The following CNTN5 variants were observed in gnomAD, a reference collection of about 807,000 sequenced individuals.
The protein encoded by CNTN5 is contactin 5.
CNTN5 carries 77 observed loss-of-function variants against 129.1 expected under a neutral mutation model. That is an observed-to-expected ratio of 0.60 (90% CI 0.50 to 0.72). The LOEUF is 0.72. Among genes scored for constraint, CNTN5 ranks in the 30% least tolerant of loss-of-function variants. The pLI is 0.00. For missense variants in CNTN5, 1,478 were observed against 1,328.8 expected, an observed-to-expected ratio of 1.11 and a Z score of -1.75; for synonymous variants, 509 against 465.6, an observed-to-expected ratio of 1.09 and a Z score of -1.20.
rs746358677 is a variant in CNTN5 at position 99,547,293 on chromosome 11, C to T, written c.-70-8852C>T. Among the ~76,000 whole-genome samples the T allele has an allele frequency of 5.3e-5, 8 of 152,132 alleles. No individual in the cohort carries two copies. In the South Asian group the frequency reaches 1.0e-3, roughly 20 times the overall value. On this transcript the variant is annotated intron_variant, in intron 2 of 24. Coordinates refer to ENST00000524871, the MANE Select transcript of CNTN5 (RefSeq NM_014361.4). ...TGCTGGGATTACAGGCGTGAGCCACCGCGCCTGGTCGAAAATTATTTTCAT... is the reference window on the plus strand; with the variant it reads ...TGCTGGGATTACAGGCGTGAGCCACTGCGCCTGGTCGAAAATTATTTTCAT...
intron 1 of CNTN5, among the ~76,000 whole-genome samples, chr11:99,035,946 G>C (rs1206230639): frequency 6.6e-6 from 1 of 151,878 alleles, no homozygotes; most frequent in Non-Finnish European, 1.5e-5. Flanking sequence ...TCCTTCTGGA[G>C]CTCTTTTAGG....
chr11:99,853,414 T>C (rs891528084), intron 6 of CNTN5, among the ~76,000 whole-genome samples: 1 of 151,878 alleles, frequency 6.6e-6, no homozygotes, highest in Non-Finnish European at 1.5e-5. Flanking sequence ...TATATATTTT[T>C]TTGAGACGGA....
chr11:99,857,883 T>C lies in CNTN5; in HGVS notation c.577+12621T>C, dbSNP rs141886298. 1.4e-3 allele frequency among the ~76,000 whole-genome samples: 216 copies of C among 152,264 alleles called. 1 individual carries two copies. The highest frequency in any genetic ancestry group is 4.8e-3 in the African/African-American group (199 of 41,560). On this transcript the variant is annotated intron_variant, in intron 6 of 24. Transcript: ENST00000524871. ...GTTTCCTATCCGTTTCATAGTGTCA[T>C]TGGGTTGTAAACTTAGGATATAGTG...
chr11:100,327,282 T>A (rs930247279), intron 21 of CNTN5, among the ~76,000 whole-genome samples: 2 of 152,184 alleles, frequency 1.3e-5, no homozygotes, highest in Non-Finnish European at 2.9e-5. Context: ...AACTACAAGA[T>A]CTGGCTCCAT....
At chr11:99,428,661 C>T (rs558666440) in intron 2 of CNTN5, among the ~76,000 whole-genome samples, 5 of 150,848 alleles carry the variant, frequency 3.3e-5, no homozygotes, top group Middle Eastern at 3.5e-3. Flanking sequence ...TATTATCTAA[C>T]ATAATATAAC....
intron 13 of CNTN5, among the ~76,000 whole-genome samples, chr11:100,182,144 T>G (rs978052278): frequency 1.3e-5 from 2 of 152,120 alleles, no homozygotes; most frequent in Non-Finnish European, 2.9e-5. Context: ...AATCAAGAAT[T>G]TGACCTACAT....
chr11:99,745,560 C>T (rs541573076), intron 3 of CNTN5, among the ~76,000 whole-genome samples: 24 of 152,236 alleles, frequency 1.6e-4, no homozygotes, highest in African/African-American at 5.5e-4. Flanking sequence ...CTTTTGATAG[C>T]ACCTTTCTCT....
In CNTN5 at chr11:99,139,718, A is replaced by G. The variant is rs369107848; in HGVS notation, c.-210+118448A>G. Among the ~76,000 whole-genome samples, 398 of 152,322 alleles carry G rather than the reference A, an allele frequency of 2.6e-3. 2 individuals carry two copies. The highest frequency in any genetic ancestry group is 0.01 in the Middle Eastern group (3 of 294). ...GAGAAGTTTATGTTCAAAATAAAAC[A>G]ATAAAAATTCTTATTTGGCAGCTTT... On this transcript the variant is annotated intron_variant, in intron 1 of 24. Coordinates refer to ENST00000524871, the MANE Select transcript of CNTN5 (RefSeq NM_014361.4).
At chr11:100,208,316 A>G (rs942954400) in intron 15 of CNTN5, among the ~76,000 whole-genome samples, 15 of 152,154 alleles carry the variant, frequency 9.9e-5, no homozygotes, top group African/African-American at 3.1e-4. Context: ...GGTCTCACCA[A>G]GACTCACGCA....
At chr11:100,274,867 C>T (rs1015021472) in intron 18 of CNTN5, among the ~76,000 whole-genome samples, 2 of 152,130 alleles carry the variant, frequency 1.3e-5, no homozygotes, top group South Asian at 2.1e-4. Context: ...ACATTCGACC[C>T]GATACTCCCA....
At chr11:99,302,977 C>A (rs1340193437) in intron 1 of CNTN5, among the ~76,000 whole-genome samples, 1 of 151,568 alleles carries the variant, frequency 6.6e-6, no homozygotes, top group Non-Finnish European at 1.5e-5. Context: ...AGGTATACAA[C>A]ATTGCATGTA....
At chr11:99,915,075 G>A (rs1319577236) in intron 6 of CNTN5, among the ~76,000 whole-genome samples, 1 of 151,930 alleles carries the variant, frequency 6.6e-6, no homozygotes, top group Non-Finnish European at 1.5e-5. Context: ...CCTAATGGAA[G>A]AAATGGCAGA....
intron 1 of CNTN5, among the ~76,000 whole-genome samples, chr11:99,183,978 C>T (rs1442790513): frequency 6.6e-6 from 1 of 152,100 alleles, no homozygotes; most frequent in Non-Finnish European, 1.5e-5. Context: ...TGAAGACTTA[C>T]AAATTTTACT....
At chr11:99,053,817 T>C (rs1345019037) in intron 1 of CNTN5, among the ~76,000 whole-genome samples, 2 of 151,974 alleles carry the variant, frequency 1.3e-5, no homozygotes, top group East Asian at 3.9e-4. Flanking sequence ...TTTTAAGTTT[T>C]GAAATTTTTT....
rs1281144057 is a variant in CNTN5, at chr11:100,280,468, A to C, written c.2314+9227A>C. On this transcript the variant is annotated intron_variant, in intron 18 of 24. Transcript: ENST00000524871. ...TGTCTTCTTATAGTTTTTGTCTTAA[A>C]ATTTATTTTTTTCTCATATGAATAT... Among the ~76,000 whole-genome samples the C allele has an allele frequency of 5.3e-5, 8 of 151,934 alleles. No homozygotes were observed. The East Asian group carries it at 1.4e-3, about 26-fold the overall frequency.
intron 3 of CNTN5, among the ~76,000 whole-genome samples, chr11:99,672,688 C>T: frequency 6.6e-6 from 1 of 150,518 alleles, no homozygotes; most frequent in South Asian, 2.1e-4. Context: ...CTCTCTCTTT[C>T]CAGTAGTATC....
intron 1 of CNTN5, among the ~76,000 whole-genome samples, chr11:99,037,736 C>G (rs190170062): frequency 7.8e-4 from 119 of 151,794 alleles, no homozygotes; most frequent in Non-Finnish European, 1.4e-3. Context: ...CGCCCCACCA[C>G]GCACAGCTAA....
intron 2 of CNTN5, among the ~76,000 whole-genome samples, chr11:99,361,951 C>T (rs1439777036): frequency 6.6e-6 from 1 of 152,020 alleles, no homozygotes; most frequent in Non-Finnish European, 1.5e-5. Context: ...CTGTGTCCAT[C>T]GTCATACAAG....
intron 1 of CNTN5, among the ~76,000 whole-genome samples, chr11:99,235,688 A>T (rs1174273817): frequency 6.6e-6 from 1 of 152,166 alleles, no homozygotes; most frequent in Non-Finnish European, 1.5e-5. Context: ...ATTTTAAAAT[A>T]TTTGAAAAGT....
Sources: allele counts gnomAD v4.1 joint callset (sites outside exome capture counted in the v4.1 genomes callset), GRCh38; gene constraint gnomAD v4.1.1; transcripts MANE v1.5; gene names NCBI Gene and HGNC (gene_info 2026-07-23, HGNC 2026-07-21).